The following ZNF627 variants were observed in gnomAD, a reference collection of about 807,000 sequenced individuals.
The protein encoded by ZNF627 is zinc finger protein 627.
In ZNF627, 12 loss-of-function variants were observed where a neutral mutation model predicts 10.6. That is an observed-to-expected ratio of 1.13 (90% CI 0.73 to 1.84). The LOEUF (loss-of-function observed/expected upper bound fraction) is 1.84, where lower values mean the gene tolerates loss of function less well. ZNF627 is among the 40% of genes most tolerant of loss of function. The pLI, the probability that ZNF627 is intolerant of heterozygous loss-of-function variation, is 0.00. For synonymous variants in ZNF627, 176 were observed against 187.1 expected, an observed-to-expected ratio of 0.94 and a Z score of 0.48; for missense variants, 504 against 568.4, an observed-to-expected ratio of 0.89 and a Z score of 1.15.
intron 1 of ZNF627, among the ~76,000 whole-genome samples, chr19:11,600,616 A>G (rs1156588494): frequency 6.6e-6 from 1 of 152,152 alleles, no homozygotes; most frequent in Non-Finnish European, 1.5e-5. Flanking sequence ...ACTGCAGAAA[A>G]TGAATACATT....
chr19:11,605,358 C>G lies in ZNF627; in HGVS notation c.3+7728C>G, dbSNP rs1035417274. On this transcript the variant is annotated intron_variant, in intron 1 of 3. Transcript: ENST00000361113. ...GCCCAGCCTCTTCAGCCTAGTTTTT[C>G]CCAGGGCTCTGTATTAGTCTGTTTT... Among the ~76,000 whole-genome samples the G allele has an allele frequency of 2.6e-5, 4 of 152,028 alleles. No individual in the cohort carries two copies. In the South Asian group the frequency reaches 8.3e-4, roughly 32 times the overall value.
chr19:11,597,727 A>T, intron 1 of ZNF627, 97 bp downstream of exon 1: 1 of 1,254,190 alleles, frequency 8.0e-7, no homozygotes, highest in Non-Finnish European at 1.0e-6. Flanking sequence ...CCCTGCGGCG[A>T]CTCCGGGGTC....
At chr19:11,602,416 T>C (rs1973602678) in intron 1 of ZNF627, among the ~76,000 whole-genome samples, 1 of 152,238 alleles carries the variant, frequency 6.6e-6, no homozygotes, top group African/African-American at 2.4e-5. Context: ...AGTGTTTCTT[T>C]GCGTAACCTG....
Position 11,617,376 on chromosome 19 carries a change from C to T in ZNF627, c.873C>T (p.Ala291=), listed in dbSNP as rs1973891720. The change falls in exon 4 of 4, where the codon GCC becomes GCT. Residue 291 remains alanine, a synonymous_variant. Transcript: ENST00000361113. ...CKQCGKAFRC[A]SSVRSHERTH... ...AGTGCGGTAAAGCCTTTAGGTGCGCCAGTTCTGTTCGAAGTCACGAGAGGA... is the reference window on the plus strand; with the variant it reads ...AGTGCGGTAAAGCCTTTAGGTGCGCTAGTTCTGTTCGAAGTCACGAGAGGA... The T allele has an allele frequency of 6.2e-7, 1 of 1,613,768 alleles. No individual in the cohort carries two copies. The highest frequency in any genetic ancestry group is 1.3e-5 in the African/African-American group (1 of 74,838).
chr19:11,598,817 G>C (rs1259322359), intron 1 of ZNF627, among the ~76,000 whole-genome samples: 6 of 152,148 alleles, frequency 3.9e-5, no homozygotes, highest in African/African-American at 1.4e-4. Context: ...ACATGTATGA[G>C]ACCCTGCTGT....
At position 11,618,206 on chromosome 19, in the gene ZNF627, A is replaced by T. The variant is rs956626982; in HGVS notation, c.*317A>T. The T allele has an allele frequency of 3.8e-6, 1 of 264,378 alleles. No individual in the cohort carries two copies. Among genetic ancestry groups the T allele is most frequent in the African/African-American group, 2.2e-5 (1 of 44,984 alleles). The allele number at this position is 264,378 out of a possible 1,614,324, so 16.4% of individuals were successfully genotyped here. A position where few individuals can be genotyped will look rare whatever the true frequency, so the allele number is the denominator to read the frequency against. Reference sequence around the variant, plus strand: ...TTCGGAAGTAAGTTAAGAAGGCATTAGTCATGGTTTGGAAGCACCATACAG... The same window carrying T: ...TTCGGAAGTAAGTTAAGAAGGCATTTGTCATGGTTTGGAAGCACCATACAG... On this transcript the variant is annotated 3_prime_UTR_variant, in exon 4 of 4. Coordinates refer to ENST00000361113, the MANE Select transcript of ZNF627 (RefSeq NM_145295.4).
intron 1 of ZNF627, among the ~76,000 whole-genome samples, chr19:11,598,897 G>T (rs1973537770): frequency 6.6e-6 from 1 of 152,036 alleles, no homozygotes; most frequent in African/African-American, 2.4e-5. Flanking sequence ...ATGTCTTTTG[G>T]TTGGCCTGGT....
At chr19:11,599,830 G>A (rs759972201) in intron 1 of ZNF627, among the ~76,000 whole-genome samples, 1 of 151,644 alleles carries the variant, frequency 6.6e-6, no homozygotes, top group Non-Finnish European at 1.5e-5. Flanking sequence ...TCGCTTTAAC[G>A]TGGGAGGCAA....
At position 11,614,566 on chromosome 19, in the gene ZNF627, C is replaced by G. The variant is rs377380268; in HGVS notation, c.43C>G (p.Leu15Val). 18 of 1,613,914 alleles carry G rather than the reference C, an allele frequency of 1.1e-5. No individual in the cohort carries two copies. The highest frequency in any genetic ancestry group is 1.4e-5 in the Non-Finnish European group (17 of 1,179,978). The change falls in exon 2 of 4, where the codon CTG (leucine) becomes GTG (valine). Residue 15 changes from leucine to valine, a missense_variant. Transcript: ENST00000361113. ...TGAGGATGTGGCTGTGAACTTCACC[C>G]TGGAGGAGTGGGCTTTGCTGGATCC... is the stretch of plus-strand genomic sequence containing the variant. ...AFEDVAVNFT[L>V]EEWALLDPSQ...
intron 3 of ZNF627, among the ~76,000 whole-genome samples, chr19:11,615,714 A>ATT: frequency 7.8e-6 from 1 of 127,522 alleles, no homozygotes. Context: ...TCATACGAAT[A>ATT]TCTTTTTTTT....
At chr19:11,608,304 C>T (rs1460829278) in intron 1 of ZNF627, among the ~76,000 whole-genome samples, 2 of 152,140 alleles carry the variant, frequency 1.3e-5, no homozygotes, top group Non-Finnish European at 2.9e-5. Flanking sequence ...GGGGGCACAG[C>T]CAAACCGTAT....
At chr19:11,607,927 C>T (rs571798718) in intron 1 of ZNF627, among the ~76,000 whole-genome samples, 4 of 152,264 alleles carry the variant, frequency 2.6e-5, no homozygotes, top group South Asian at 2.1e-4. Flanking sequence ...CAGAGCACCC[C>T]GCTACCCAGT....
intron 1 of ZNF627, among the ~76,000 whole-genome samples, chr19:11,611,546 C>A (rs1599660730): frequency 6.6e-6 from 1 of 152,072 alleles, no homozygotes; most frequent in African/African-American, 2.4e-5. Flanking sequence ...GAAATCAATG[C>A]CAGACCCAAT....
intron 1 of ZNF627, among the ~76,000 whole-genome samples, chr19:11,601,541 C>T (rs144435883): frequency 8.6e-5 from 13 of 152,040 alleles, no homozygotes; most frequent in African/African-American, 2.9e-4. Flanking sequence ...AGAGACAGGA[C>T]GTTGTTATGT....
intron 1 of ZNF627, among the ~76,000 whole-genome samples, chr19:11,609,514 TATATGTA>T (rs1306329923): frequency 1.2e-4 from 13 of 111,594 alleles, no homozygotes; most frequent in Non-Finnish European, 1.7e-4. Flanking sequence ...TATATATATA[TATATGTA>T]TTTTTTCCCC....
At chr19:11,597,717 C>G (rs1973514402) in intron 1 of ZNF627, 87 bp downstream of exon 1, 1 of 1,283,856 alleles carries the variant, frequency 7.8e-7, no homozygotes, top group African/African-American at 1.5e-5. Context: ...ACCTAGGCCT[C>G]CCTGCGGCGA....
Position 11,608,384 on chromosome 19 carries a change from C to T in ZNF627, c.4-6143C>T, listed in dbSNP as rs568369788. ...ATCCCAGATGTCAACTTCCCCTCTCCAGTTGACATTATCTTCAATTATGTC... is the reference window on the plus strand; with the variant it reads ...ATCCCAGATGTCAACTTCCCCTCTCTAGTTGACATTATCTTCAATTATGTC... On this transcript the variant is annotated intron_variant, in intron 1 of 3. Coordinates refer to ENST00000361113, the MANE Select transcript of ZNF627 (RefSeq NM_145295.4). Among the ~76,000 whole-genome samples the T allele has an allele frequency of 1.2e-4, 18 of 152,264 alleles. No homozygotes were observed. The East Asian group carries it at 2.5e-3, about 21-fold the overall frequency.
rs372450459 is a variant in ZNF627, at chr19:11,617,285, G to C, written c.782G>C (p.Ser261Thr). 10 of 1,613,876 alleles carry C rather than the reference G, an allele frequency of 6.2e-6. No individual in the cohort carries two copies. Among genetic ancestry groups the C allele is most frequent in the East Asian group, 4.5e-5 (2 of 44,888 alleles). ...TGCAAGCAGTGTGGGAAAGCTTTCA[G>C]TTGTTCCAAGTACATTCGAATCCAT... ...YECKQCGKAFSCSKYIRIHER... is the reference protein window; with the variant it reads ...YECKQCGKAFTCSKYIRIHER... The change falls in exon 4 of 4, where the codon AGT (serine) becomes ACT (threonine). Residue 261 changes from serine to threonine, a missense_variant. Coordinates refer to ENST00000361113, the MANE Select transcript of ZNF627 (RefSeq NM_145295.4).
Position 11,617,424 on chromosome 19 carries a change from T to G in ZNF627, c.921T>G (p.Phe307Leu). The change falls in exon 4 of 4, where the codon TTT (phenylalanine) becomes TTG (leucine). Residue 307 changes from phenylalanine (F) to leucine (L), a missense_variant. Transcript: ENST00000361113. ...HERTHTGEKL[F>L]ECKECGKALT... is the part of the protein sequence containing the mutation. ...GGACTCACACCGGAGAGAAACTTTT[T>G]GAATGTAAGGAATGCGGGAAGGCTT... is the stretch of plus-strand genomic sequence containing the variant. 6.2e-7 allele frequency: 1 copy of G among 1,613,998 alleles called. No individual in the cohort carries two copies.
Sources: allele counts gnomAD v4.1 joint callset (sites outside exome capture counted in the v4.1 genomes callset), GRCh38; gene constraint gnomAD v4.1.1; transcripts MANE v1.5; gene names NCBI Gene and HGNC (gene_info 2026-07-23, HGNC 2026-07-21).